FBXO34: variants seen among roughly 807,000 people sequenced by gnomAD.
The protein encoded by FBXO34 is F-box only protein 34.
A neutral mutation model predicts 24.5 loss-of-function variants in FBXO34; 12 were observed. The ratio of observed to expected loss-of-function variants is 0.49; its 90% CI spans 0.31 to 0.79. FBXO34 has a LOEUF of 0.79. FBXO34 is among the 30% of genes least tolerant of loss of function. FBXO34 has a pLI of 0.04. For synonymous variants in FBXO34, 320 were observed against 311.9 expected (o/e 1.03, Z -0.27); for missense variants, 823 against 857.7 (o/e 0.96, Z 0.51).
At chr14:55,424,416 C>G in the FBXO34 span, among the ~76,000 whole-genome samples, 2 of 152,200 alleles carry the variant, frequency 1.3e-5, no homozygotes, top group African/African-American at 4.8e-5. Context: ...CTTGAGTGTC[C>G]TAGGTAATAT....
chr14:55,420,068 T>TTTTG, the FBXO34 span, among the ~76,000 whole-genome samples: 9 of 152,132 alleles, frequency 5.9e-5, no homozygotes, highest in Admixed American at 5.2e-4. Context: ...TTAAGGTTTT[T>TTTTG]TTTGTTTGTT....
chr14:55,296,217 G>C (rs1159258946), intron 1 of FBXO34, among the ~76,000 whole-genome samples: 2 of 151,996 alleles, frequency 1.3e-5, no homozygotes, highest in African/African-American at 2.4e-5. Flanking sequence ...ACTTAGTTCA[G>C]GAAGAGTTTA....
At chr14:55,288,534 C>G (rs1031005331) in intron 1 of FBXO34, among the ~76,000 whole-genome samples, 1 of 152,136 alleles carries the variant, frequency 6.6e-6, no homozygotes, top group Non-Finnish European at 1.5e-5. Flanking sequence ...AAACCACGTA[C>G]GGCCTGTTTG....
the FBXO34 span, among the ~76,000 whole-genome samples, chr14:55,435,309 G>A: frequency 9.6e-5 from 14 of 146,286 alleles, no homozygotes; most frequent in Non-Finnish European, 1.3e-4. Context: ...ACGGAGTCTC[G>A]CTGTTACCCA....
the FBXO34 span, chr14:55,437,070 GT>G: frequency 1.3e-6 from 2 of 1,514,628 alleles, no homozygotes; most frequent in Admixed American, 1.7e-5. Flanking sequence ...AGAACAGCAT[GT>G]TACACAAAAG....
At chr14:55,375,623 C>T in the FBXO34 span, among the ~76,000 whole-genome samples, 3 of 150,430 alleles carry the variant, frequency 2.0e-5, no homozygotes, top group Non-Finnish European at 4.4e-5. Context: ...GCATTATAGG[C>T]GTGAGCCACC....
At chr14:55,313,278 A>C (rs1050782591) in intron 1 of FBXO34, among the ~76,000 whole-genome samples, 5 of 152,182 alleles carry the variant, frequency 3.3e-5, no homozygotes, top group Non-Finnish European at 7.3e-5. Flanking sequence ...GTTCTCAATA[A>C]GTCCTCCTCT....
chr14:55,411,430 G>C, the FBXO34 span, among the ~76,000 whole-genome samples: 3 of 152,180 alleles, frequency 2.0e-5, no homozygotes, highest in Admixed American at 2.0e-4. Context: ...TGGCCCCTAC[G>C]CTGTCCTCTG....
chr14:55,399,802 T>C, the FBXO34 span, among the ~76,000 whole-genome samples: 2 of 152,176 alleles, frequency 1.3e-5, no homozygotes, highest in South Asian at 2.1e-4. Context: ...CCATAAAAGT[T>C]CTCCTTTGAG....
chr14:55,413,454 A>G, the FBXO34 span: 2 of 195,564 alleles, frequency 1.0e-5, no homozygotes, highest in East Asian at 2.9e-4. Flanking sequence ...AGGTTTTTGG[A>G]TACAAAATGT....
At chr14:55,329,467 GA>G (rs1199979867) in intron 1 of FBXO34, among the ~76,000 whole-genome samples, 2 of 152,182 alleles carry the variant, frequency 1.3e-5, no homozygotes, top group East Asian at 1.9e-4. Flanking sequence ...TTCACCTGAA[GA>G]AAGTGTGTAA....
intron 1 of FBXO34, among the ~76,000 whole-genome samples, chr14:55,279,019 G>A (rs927231291): frequency 3.8e-4 from 58 of 152,098 alleles, no homozygotes; most frequent in Non-Finnish European, 2.9e-4. Context: ...AGTGAAGGCC[G>A]GGCGTGGTGG....
Position 55,350,683 on chromosome 14 carries a change from A to G in FBXO34, c.293A>G (p.Gln98Arg), listed in dbSNP as rs775978789. 1.2e-6 allele frequency: 2 copies of G among 1,613,854 alleles called. No individual in the cohort carries two copies. The highest frequency in any genetic ancestry group is 1.3e-5 in the African/African-American group (1 of 74,906). Residue 98 changes from glutamine to arginine, a missense_variant, in exon 2 of 2, where the codon CAG becomes CGG. Transcript: ENST00000313833. The part of the protein sequence containing the change: ...KKNAPSATIH[Q>R]GEEEGPLDIW... ...AATGCACCATCTGCAACGATCCACCAGGGCGAAGAAGAAGGACCACTTGAT... is the reference window on the plus strand; with the variant it reads ...AATGCACCATCTGCAACGATCCACCGGGGCGAAGAAGAAGGACCACTTGAT...
downstream of FBXO34, among the ~76,000 whole-genome samples, chr14:55,372,337 T>C (rs1011934002): frequency 6.6e-6 from 1 of 152,146 alleles, no homozygotes; most frequent in African/African-American, 2.4e-5. Context: ...TCTCTCCTCC[T>C]GGCACGCACC....
chr14:55,280,959 C>G (rs1464567361), intron 1 of FBXO34, among the ~76,000 whole-genome samples: 1 of 151,622 alleles, frequency 6.6e-6, no homozygotes, highest in East Asian at 1.9e-4. Context: ...TAGTTAGCCA[C>G]ATTAAAAAAG....
At chr14:55,295,806 A>G (rs1222378358) in intron 1 of FBXO34, among the ~76,000 whole-genome samples, 1 of 152,256 alleles carries the variant, frequency 6.6e-6, no homozygotes, top group Non-Finnish European at 1.5e-5. Context: ...AGTCTTACAG[A>G]GGAACTTCAC....
At chr14:55,308,308 TCTA>T (rs1377932631) in intron 1 of FBXO34, among the ~76,000 whole-genome samples, 1 of 152,230 alleles carries the variant, frequency 6.6e-6, no homozygotes, top group South Asian at 2.1e-4. Flanking sequence ...CTTCAGGAGA[TCTA>T]CTGGATAGTT....
Position 55,331,743 on chromosome 14 carries a change from GTGTATA to G in FBXO34, c.-10-18636_-10-18631del, listed in dbSNP as rs1485564122. 1.6e-4 allele frequency among the ~76,000 whole-genome samples: 7 copies of G among 42,954 alleles called. No homozygotes were observed. The African/African-American group carries it at 2.3e-3, about 14-fold the overall frequency. 28.2% of individuals were successfully genotyped at this position (42,954 alleles called of 152,430 possible). The stretch of plus-strand genomic sequence containing the variant: ...TATATATATATGTATATATATATGT[GTGTATA>G]TATATATATATGTATATATATATAT... On this transcript the variant is annotated intron_variant, in intron 1 of 1. Coordinates refer to ENST00000313833, the MANE Select transcript of FBXO34 (RefSeq NM_017943.4).
chr14:55,295,608 C>G (rs1045042266), intron 1 of FBXO34, among the ~76,000 whole-genome samples: 2 of 152,122 alleles, frequency 1.3e-5, no homozygotes, highest in Non-Finnish European at 2.9e-5. Flanking sequence ...GTTGGCCAGG[C>G]TGGTCTTGAA....
Sources: gnomAD v4.1 joint callset for allele counts (sites outside exome capture counted in the v4.1 genomes callset) on GRCh38, gnomAD v4.1.1 for gene constraint, MANE v1.5 for transcripts, NCBI Gene and HGNC (gene_info 2026-07-23, HGNC 2026-07-21) for gene names.